USH2A: variants seen among roughly 807,000 people sequenced by gnomAD.
The protein encoded by USH2A is Usher syndrome 2A (autosomal recessive, mild).
USH2A carries 443 observed loss-of-function variants against 538.9 expected under a neutral mutation model. The ratio of observed to expected loss-of-function variants is 0.82; its 90% CI spans 0.76 to 0.89. The LOEUF (loss-of-function observed/expected upper bound fraction) is 0.89, where lower values mean the gene tolerates loss of function less well. Among genes scored for constraint, USH2A ranks in the 40% least tolerant of loss-of-function variants. The probability of loss-of-function intolerance (pLI) is 0.00; values close to 1 mark genes in which losing one functional copy is unlikely to be tolerated. For missense variants in USH2A, 6,633 were observed against 6,324.8 expected (o/e 1.05, Z -1.65); for synonymous variants, 2,413 against 2,273.5 (o/e 1.06, Z -1.75).
At chr1:216,043,307 C>T (rs1333220111) in intron 32 of USH2A, among the ~76,000 whole-genome samples, 1 of 151,972 alleles carries the variant, frequency 6.6e-6, no homozygotes, top group African/African-American at 2.4e-5. Flanking sequence ...TATTAACTTT[C>T]TCAGTTTATT....
intron 3 of USH2A, among the ~76,000 whole-genome samples, chr1:216,398,245 C>T (rs1222468932): frequency 6.6e-6 from 1 of 152,042 alleles, no homozygotes; most frequent in Non-Finnish European, 1.5e-5. Context: ...AAGCCCTGAA[C>T]ATAACAAAAC....
intron 36 of USH2A, among the ~76,000 whole-genome samples, chr1:215,966,353 C>A (rs1191738647): frequency 6.6e-6 from 1 of 152,134 alleles, no homozygotes; most frequent in Non-Finnish European, 1.5e-5. Flanking sequence ...TCACTACAAA[C>A]TCATCAGCAT....
In USH2A at chr1:216,046,521, TG is replaced by T. The variant is rs2030528716; in HGVS notation, c.6234del (p.Lys2080ArgfsTer6). ...PSSLLLSWNP[P>X]KKANGIITQY... is the part of the protein sequence containing the mutation. ...TGAGTTATAATACCATTTGCCTTTT[TG>T]GGTGGGTTCCAGGAGAGCAGCAAAG... On this transcript the variant is annotated frameshift_variant, in exon 32 of 72. Coordinates refer to ENST00000307340, the MANE Select transcript of USH2A (RefSeq NM_206933.4). LOFTEE classifies it high-confidence loss of function. 6.2e-7 allele frequency: 1 copy of T among 1,613,886 alleles called. No homozygotes were observed. The highest frequency in any genetic ancestry group is 1.1e-5 in the South Asian group (1 of 91,084).
chr1:216,000,308 T>A (rs533266107), intron 33 of USH2A, 95 bp downstream of exon 33: 2 of 1,534,466 alleles, frequency 1.3e-6, no homozygotes, highest in African/African-American at 1.4e-5. Flanking sequence ...TTAATCACAA[T>A]AAAATTAATT....
intron 35 of USH2A, among the ~76,000 whole-genome samples, chr1:215,992,452 T>C (rs1410341790): frequency 6.6e-6 from 1 of 152,188 alleles, no homozygotes; most frequent in African/African-American, 2.4e-5. Flanking sequence ...AACATATATA[T>C]TGCTTAGAAA....
intron 55 of USH2A, among the ~76,000 whole-genome samples, chr1:215,779,106 A>T (rs1438148574): frequency 6.6e-6 from 1 of 152,184 alleles, no homozygotes; most frequent in East Asian, 1.9e-4. Context: ...AAGACAAAAA[A>T]CAAACACTAA....
At chr1:215,627,434 TTCCTTCC>T (rs1296602050) in intron 71 of USH2A, among the ~76,000 whole-genome samples, 4,879 of 102,342 alleles carry the variant, frequency 0.048, 400 homozygotes, top group East Asian at 0.14. Flanking sequence ...CCTTCCTTCC[TTCCTTCC>T]TTCCTTCCTT....
At chr1:215,934,221 G>A (rs1407711159) in intron 38 of USH2A, among the ~76,000 whole-genome samples, 1 of 151,946 alleles carries the variant, frequency 6.6e-6, no homozygotes, top group Non-Finnish European at 1.5e-5. Flanking sequence ...TAGAACACCA[G>A]GAATGAGAAC....
rs184622216 is a variant in USH2A, at chr1:216,194,798, G to A, written c.4251+1755C>T. Among the ~76,000 whole-genome samples the A allele has an allele frequency of 3.5e-3, 527 of 152,226 alleles. 3 individuals are homozygous for A. Among genetic ancestry groups the A allele is most frequent in the Middle Eastern group, 6.8e-3 (2 of 294 alleles). On this transcript the variant is annotated intron_variant, in intron 19 of 71. Transcript: ENST00000307340. ...TCCACATTTGAGAATACTGTTCTGA[G>A]AAATTTACTGAGTAATATGGAATGC...
In USH2A at chr1:215,934,724, G is replaced by A. The variant is rs2102499721; in HGVS notation, c.7192C>T (p.Leu2398Phe). 1.2e-6 allele frequency: 2 copies of A among 1,612,850 alleles called. No individual in the cohort carries two copies. The highest frequency in any genetic ancestry group is 1.7e-6 in the Non-Finnish European group (2 of 1,179,178). ...YSGEETNLWV[L>F]IDGLVPFTNY... ...GTAAAAGGAACCAGCCCATCGATGA[G>A]CACCCAAAGGTTTGTCTCTTCTCCG... The change falls in exon 38 of 72, where the codon CTC becomes TTC. Residue 2398 changes from leucine (L) to phenylalanine (F), a missense_variant. Leu to Phe is a conservative substitution (Grantham distance 22). Coordinates refer to ENST00000307340, the MANE Select transcript of USH2A (RefSeq NM_206933.4).
intron 62 of USH2A, among the ~76,000 whole-genome samples, chr1:215,676,846 C>T (rs1658048041): frequency 1.3e-5 from 2 of 152,196 alleles, no homozygotes; most frequent in Non-Finnish European, 2.9e-5. Flanking sequence ...TAAAATTTAG[C>T]TGTCCCTCTA....
intron 58 of USH2A, among the ~76,000 whole-genome samples, chr1:215,744,146 T>C (rs1041091283): frequency 6.6e-6 from 1 of 152,218 alleles, no homozygotes; most frequent in Admixed American, 6.5e-5. Context: ...GTATGCCTCC[T>C]GTCTGACATG....
intron 4 of USH2A, among the ~76,000 whole-genome samples, chr1:216,348,570 T>C (rs1474579226): frequency 6.6e-6 from 1 of 152,128 alleles, no homozygotes; most frequent in Admixed American, 6.6e-5. Flanking sequence ...TGGAACAAAG[T>C]TCCATCAAAG....
intron 16 of USH2A, 114 bp from the exon 17 acceptor site, chr1:216,200,235 C>T (rs539664908): frequency 2.7e-6 from 3 of 1,111,192 alleles, no homozygotes; most frequent in African/African-American, 1.6e-5. Context: ...CCAATCTACT[C>T]TTTTGATTAA....
intron 50 of USH2A, among the ~76,000 whole-genome samples, chr1:215,793,200 T>C (rs2102772664): frequency 6.6e-6 from 1 of 152,280 alleles, no homozygotes; most frequent in Middle Eastern, 3.4e-3. Flanking sequence ...TAGTTAAGAC[T>C]GCAAAACTGG....
intron 30 of USH2A, among the ~76,000 whole-genome samples, chr1:216,061,891 T>G (rs12126435): frequency 0.43 from 65,904 of 152,032 alleles, 15,317 homozygotes; most frequent in Middle Eastern, 0.52. Flanking sequence ...AAGCTGAAAC[T>G]GTAGGGTGGC....
chr1:215,879,175 T>A (rs1664848692), intron 41 of USH2A, 77 bp from the exon 42 acceptor site: 1 of 1,328,580 alleles, frequency 7.5e-7, no homozygotes, highest in African/African-American at 1.4e-5. Flanking sequence ...GCCTAGAATT[T>A]TGCTCTTGTT....
At chr1:216,421,291 G>T (rs2039671789) in intron 2 of USH2A, among the ~76,000 whole-genome samples, 1 of 151,968 alleles carries the variant, frequency 6.6e-6, no homozygotes, top group Non-Finnish European at 1.5e-5. Flanking sequence ...ACAAGATAAA[G>T]AACTAAAAGC....
At chr1:215,744,229 G>C (rs1393134055) in intron 58 of USH2A, among the ~76,000 whole-genome samples, 2 of 152,140 alleles carry the variant, frequency 1.3e-5, no homozygotes, top group African/African-American at 4.8e-5. Context: ...TAATTATTGG[G>C]CCAGGACAGT....
Sources: gnomAD v4.1 joint callset for allele counts (sites outside exome capture counted in the v4.1 genomes callset) on GRCh38, gnomAD v4.1.1 for gene constraint, MANE v1.5 for transcripts, NCBI Gene and HGNC (gene_info 2026-07-23, HGNC 2026-07-21) for gene names.